The following TRIM41 variants were observed in gnomAD, a reference collection of about 807,000 sequenced individuals.
The protein encoded by TRIM41 is E3 ubiquitin-protein ligase TRIM41.
TRIM41 carries 21 observed loss-of-function variants against 60.6 expected under a neutral mutation model. That is an observed-to-expected ratio of 0.35 (90% confidence interval 0.25 to 0.50). The LOEUF is 0.50. Among genes scored for constraint, TRIM41 ranks in the 20% least tolerant of loss-of-function variants. The pLI is 0.98. For synonymous variants in TRIM41, 407 were observed against 344.9 expected (o/e 1.18, Z -2.00); for missense variants, 846 against 868.3 (o/e 0.97, Z 0.32).
rs1339309445 is a variant in TRIM41, at chr5:181,234,216, T to G, written c.1334T>G (p.Met445Arg). The G allele has an allele frequency of 1.2e-6, 2 of 1,613,102 alleles. No homozygotes were observed. The highest frequency in any genetic ancestry group is 2.7e-5 in the African/African-American group (2 of 74,912). ...CCTGACACGGCTCACCCGGCCCTGATGCTGTCCCCTGACCGCCGGGGGGTC... is the reference window on the plus strand; with the variant it reads ...CCTGACACGGCTCACCCGGCCCTGAGGCTGTCCCCTGACCGCCGGGGGGTC... ...LDPDTAHPAL[M>R]LSPDRRGVRL... The change falls in exon 6 of 6, where the codon ATG (methionine) becomes AGG (arginine). Residue 445 changes from methionine (M) to arginine (R), a missense_variant. Met to Arg is a moderately conservative substitution (Grantham distance 91). Transcript: ENST00000315073. The surrounding 1 kb of genome is among the most constrained non-coding windows in gnomAD (Gnocchi z 5.6).
rs1042461413 is a variant in TRIM41, at chr5:181,230,548, C to T, written c.814-196C>T. ...AAAATACACACAGGGCTTCTGCAGA[C>T]GTGCACAGAGGGATTGGAGGCTTTT... On this transcript the variant is annotated intron_variant, in intron 1 of 5. Transcript: ENST00000315073. 1.9e-5 allele frequency: 7 copies of T among 359,882 alleles called. No individual in the cohort carries two copies. The East Asian group carries it at 2.1e-4, about 11-fold the overall frequency. The allele number at this position is 359,882 out of a possible 1,614,324, so 22.3% of individuals were successfully genotyped here.
rs1168219770 is a variant in TRIM41 at position 181,232,791 on chromosome 5, G to A, written c.1042G>A (p.Ala348Thr). Reference sequence around the variant, plus strand: ...TGAAGCCCAGCTGGGGCGTGCGGGAGCCGCGGCTAGTCGCCTTGCAGAACA... The same window carrying A: ...TGAAGCCCAGCTGGGGCGTGCGGGAACCGCGGCTAGTCGCCTTGCAGAACA... ...MHEAQLGRAG[A>T]AASRLAEQAA... Residue 348 changes from alanine (A) to threonine (T), a missense_variant, in exon 3 of 6, where the codon GCC (alanine) becomes ACC (threonine). Physicochemically the swap from Ala to Thr is moderately conservative, Grantham distance 58. Transcript: ENST00000315073. 2 of 1,608,108 alleles carry A rather than the reference G, an allele frequency of 1.2e-6. No homozygotes were observed. The highest frequency in any genetic ancestry group is 1.1e-5 in the South Asian group (1 of 90,410).
rs995723431 is a variant in TRIM41, at chr5:181,232,908, C to T, written c.1140+19C>T. 3.3e-5 allele frequency: 50 copies of T among 1,535,456 alleles called. No homozygotes were observed. Among genetic ancestry groups the T allele is most frequent in the Non-Finnish European group, 4.2e-5 (48 of 1,144,822 alleles). ...GCTCCAGGTGAGCAATGTCCCCTCCCTGTTCCCCCAGCATTCTGTGTTGGC... is the reference window on the plus strand; with the variant it reads ...GCTCCAGGTGAGCAATGTCCCCTCCTTGTTCCCCCAGCATTCTGTGTTGGC... On this transcript the variant is annotated intron_variant, in intron 3 of 5. Transcript: ENST00000315073.
chr5:181,230,876 CA>C, intron 2 of TRIM41, 37 bp downstream of exon 2: 1 of 1,583,650 alleles, frequency 6.3e-7, no homozygotes, highest in Non-Finnish European at 8.7e-7. Flanking sequence ...ATGGGCAGTA[CA>C]GTCGAGGCAA....
Position 181,234,607 on chromosome 5 carries a change from A to G in TRIM41, c.1725A>G (p.Lys575=). The G allele has an allele frequency of 6.2e-7, 1 of 1,614,014 alleles. No individual in the cohort carries two copies. Among genetic ancestry groups the G allele is most frequent in the African/African-American group, 1.3e-5 (1 of 75,034 alleles). ...TEQTLLSPSE[K]PRRFGVYLDY... is the part of the protein sequence containing the mutation. ...AGACGCTGCTGAGCCCCAGTGAGAA[A>G]CCAAGGCGCTTTGGTGTGTACCTGG... Residue 575 remains lysine, a synonymous_variant, in exon 6 of 6, where the codon AAA becomes AAG. Coordinates refer to ENST00000315073, the MANE Select transcript of TRIM41 (RefSeq NM_033549.5). The surrounding 1 kb of genome is among the most constrained non-coding windows in gnomAD (Gnocchi z 5.6).
Position 181,233,445 on chromosome 5 carries a change from C to T in TRIM41, c.1163+10C>T, listed in dbSNP as rs1287404146. ...AGGAGACTTTCAATAGGTGTGTTCC[C>T]AGTCTTTGCCCTTCGTGACCCAGTG... On this transcript the variant is annotated intron_variant, in intron 4 of 5. Coordinates refer to ENST00000315073, the MANE Select transcript of TRIM41 (RefSeq NM_033549.5). This position sits in a 1 kb window ranked among gnomAD's most constrained non-coding sequence, Gnocchi z 4.1. 1 of 1,614,110 alleles carries T rather than the reference C, an allele frequency of 6.2e-7. No individual in the cohort carries two copies. The highest frequency in any genetic ancestry group is 1.3e-5 in the African/African-American group (1 of 75,026).
Position 181,224,048 on chromosome 5 carries a change from G to C in TRIM41, c.49G>C (p.Glu17Gln). The C allele has an allele frequency of 6.2e-7, 1 of 1,614,240 alleles. No homozygotes were observed. The highest frequency in any genetic ancestry group is 8.5e-7 in the Non-Finnish European group (1 of 1,180,048). Residue 17 changes from glutamate (E) to glutamine (Q), a missense_variant, in exon 1 of 6, where the codon GAG (glutamate) becomes CAG (glutamine). By Grantham distance (29) the Glu-to-Gln change is conservative (BLOSUM62 2). Coordinates refer to ENST00000315073, the MANE Select transcript of TRIM41 (RefSeq NM_033549.5). Reference sequence around the variant, plus strand: ...CAACCCTGTGCAGACCCTTCAGGAGGAGGCGGTGTGCGCCATCTGCCTCGA... The same window carrying C: ...CAACCCTGTGCAGACCCTTCAGGAGCAGGCGGTGTGCGCCATCTGCCTCGA... ...TPNPVQTLQE[E>Q]AVCAICLDYF...
At chr5:181,229,989 T>C (rs1758720500) in intron 1 of TRIM41, 1 of 152,332 alleles carries the variant, frequency 6.6e-6, no homozygotes, top group Admixed American at 6.6e-5. Context: ...GTTTTGGAAG[T>C]GGTGGTGACC....
In TRIM41 at chr5:181,235,437, T is replaced by C. The variant is rs1194903931; in HGVS notation, c.*662T>C. ...CACGCACCATTACATCATCATTACA[T>C]TAATTACATCAACATAAATTATTTC... On this transcript the variant is annotated 3_prime_UTR_variant, in exon 6 of 6. Coordinates refer to ENST00000315073, the MANE Select transcript of TRIM41 (RefSeq NM_033549.5). 8.1e-6 allele frequency: 13 copies of C among 1,612,628 alleles called. No homozygotes were observed. Among genetic ancestry groups the C allele is most frequent in the Non-Finnish European group, 1.0e-5 (12 of 1,179,008 alleles).
At position 181,233,050 on chromosome 5, in the gene TRIM41, A is replaced by T; in HGVS notation, c.1140+161A>T. On this transcript the variant is annotated intron_variant, in intron 3 of 5. Transcript: ENST00000315073. The surrounding 1 kb of genome is among the most constrained non-coding windows in gnomAD (Gnocchi z 4.1). ...TGTTTTAAAGCTGGAAACAGAGTTA[A>T]TGTCGAATGTGGTATGTGTGGCGAT... 1.3e-6 allele frequency: 1 copy of T among 793,620 alleles called. No individual in the cohort carries two copies. Among genetic ancestry groups the T allele is most frequent in the Non-Finnish European group, 2.1e-6 (1 of 468,798 alleles). 49.2% of individuals were successfully genotyped at this position (793,620 alleles called of 1,614,324 possible).
intron 1 of TRIM41, chr5:181,226,703 C>T (rs1003842075): frequency 7.9e-5 from 12 of 152,224 alleles, no homozygotes; most frequent in African/African-American, 2.2e-4. Context: ...TATCCATGGG[C>T]ATTCCACCCT....
intron 1 of TRIM41, chr5:181,229,580 G>C (rs182327033): frequency 6.6e-6 from 1 of 152,394 alleles, no homozygotes; most frequent in East Asian, 1.9e-4. Context: ...ACCTTTGGAA[G>C]AGGGGTTTCG....
intron 1 of TRIM41, chr5:181,228,072 A>G (rs1319821100): frequency 6.6e-6 from 1 of 151,782 alleles, no homozygotes; most frequent in African/African-American, 2.4e-5. Context: ...CGACAGTTAA[A>G]TGTTTTGAAA....
chr5:181,234,678 C>G lies in TRIM41; in HGVS notation c.1796C>G (p.Ala599Gly). ...GGCTTCTACAACGCAGAGACTCTAG[C>G]CCACGTGCACACCTTCTCGGCTGCC... Reference protein sequence around the residue: ...RLGFYNAETLAHVHTFSAAFL... With the variant: ...RLGFYNAETLGHVHTFSAAFL... Residue 599 changes from alanine (A) to glycine (G), a missense_variant, in exon 6 of 6, where the codon GCC becomes GGC. Transcript: ENST00000315073. This position sits in a 1 kb window ranked among gnomAD's most constrained non-coding sequence, Gnocchi z 5.6. 1.2e-6 allele frequency: 2 copies of G among 1,614,208 alleles called. No homozygotes were observed. The highest frequency in any genetic ancestry group is 1.7e-6 in the Non-Finnish European group (2 of 1,180,042).
rs1468497241 is a variant in TRIM41 at position 181,235,441 on chromosome 5, T to C, written c.*666T>C. ...CACCATTACATCATCATTACATTAA[T>C]TACATCAACATAAATTATTTCTTCC... is the stretch of plus-strand genomic sequence containing the variant. On this transcript the variant is annotated 3_prime_UTR_variant, in exon 6 of 6. Coordinates refer to ENST00000315073, the MANE Select transcript of TRIM41 (RefSeq NM_033549.5). 3 of 1,611,634 alleles carry C rather than the reference T, an allele frequency of 1.9e-6. No individual in the cohort carries two copies. The highest frequency in any genetic ancestry group is 2.7e-5 in the African/African-American group (2 of 74,874).
chr5:181,228,030 C>G (rs980241486), intron 1 of TRIM41: 1 of 151,402 alleles, frequency 6.6e-6, no homozygotes, highest in African/African-American at 2.4e-5. Flanking sequence ...CCCATTTTGG[C>G]CCCTCAAAGT....
chr5:181,224,505 C>T lies in TRIM41; in HGVS notation c.506C>T (p.Thr169Ile). The part of the protein sequence containing the change: ...EVEEEDLDPV[T>I]PLPPPPAPRR... ...GAGGAAGAGGATCTAGACCCCGTCACCCCACTGCCCCCGCCTCCAGCCCCT... is the reference window on the plus strand; with the variant it reads ...GAGGAAGAGGATCTAGACCCCGTCATCCCACTGCCCCCGCCTCCAGCCCCT... Residue 169 changes from threonine to isoleucine, a missense_variant, in exon 1 of 6, where the codon ACC (threonine) becomes ATC (isoleucine). Thr to Ile is a moderately conservative substitution (Grantham distance 89). Transcript: ENST00000315073. 5.6e-6 allele frequency: 9 copies of T among 1,612,056 alleles called. No individual in the cohort carries two copies. The highest frequency in any genetic ancestry group is 7.6e-6 in the Non-Finnish European group (9 of 1,178,420).
At position 181,234,497 on chromosome 5, in the gene TRIM41, C is replaced by T; in HGVS notation, c.1615C>T (p.Leu539=). 1 of 1,613,884 alleles carries T rather than the reference C, an allele frequency of 6.2e-7. No homozygotes were observed. Among genetic ancestry groups the T allele is most frequent in the Non-Finnish European group, 8.5e-7 (1 of 1,179,850 alleles). Residue 539 remains leucine (L), a synonymous_variant, in exon 6 of 6, where the codon CTG becomes TTG. Transcript: ENST00000315073. The surrounding 1 kb of genome is among the most constrained non-coding windows in gnomAD (Gnocchi z 5.6). ...RHHHRRRRLH[L]PQQPLLQREV... Reference sequence around the variant, plus strand: ...TCACCATCGCCGCCGCCGGCTCCACCTGCCCCAGCAGCCCCTGCTCCAGCG... The same window carrying T: ...TCACCATCGCCGCCGCCGGCTCCACTTGCCCCAGCAGCCCCTGCTCCAGCG...
Position 181,233,337 on chromosome 5 carries a change from G to A in TRIM41, c.1141-76G>A. The A allele has an allele frequency of 6.8e-7, 1 of 1,469,516 alleles. No individual in the cohort carries two copies. Among genetic ancestry groups the A allele is most frequent in the East Asian group, 2.3e-5 (1 of 44,224 alleles). 91.0% of individuals were successfully genotyped at this position (1,469,516 alleles called of 1,614,324 possible). A position where few individuals can be genotyped will look rare whatever the true frequency, so the allele number is the denominator to read the frequency against. ...GTTCAGTCTCTGACTGGAGATCGGG[G>A]AACGCTGTCCCTGTGCAGCTGACAC... On this transcript the variant is annotated intron_variant, in intron 3 of 5. Transcript: ENST00000315073. The surrounding 1 kb of genome is among the most constrained non-coding windows in gnomAD (Gnocchi z 4.1).
Sources: gnomAD v4.1 joint callset for allele counts on GRCh38, gnomAD v4.1.1 for gene constraint, Gnocchi (gnomAD v3.1) non-coding constraint, MANE v1.5 for transcripts, NCBI Gene and HGNC (gene_info 2026-07-23, HGNC 2026-07-21) for gene names.